SEC61A2: variants seen among roughly 807,000 people sequenced by gnomAD.
SEC61A2 encodes the protein protein transport protein Sec61 subunit alpha isoform 2.
A neutral mutation model predicts 59.9 loss-of-function variants in SEC61A2; 28 were observed. That is an observed-to-expected ratio of 0.47 (90% CI 0.35 to 0.64). The LOEUF (loss-of-function observed/expected upper bound fraction) is 0.64. SEC61A2 is among the 30% of genes least tolerant of loss of function. SEC61A2 has a pLI of 0.01. For missense variants in SEC61A2, 340 were observed against 585.9 expected (o/e 0.58, Z 4.33); for synonymous variants, 202 against 214.4 (o/e 0.94, Z 0.50).
chr10:12,144,578 G>A (rs916532877), intron 4 of SEC61A2, among the ~76,000 whole-genome samples: 8 of 152,200 alleles, frequency 5.3e-5, no homozygotes, highest in Non-Finnish European at 1.0e-4. Context: ...TTGTCATGGA[G>A]TTGATATTTG....
chr10:12,169,408 T>C, downstream of SEC61A2: 1 of 948,518 alleles, frequency 1.1e-6, no homozygotes, highest in Non-Finnish European at 1.6e-6. This position sits in a 1 kb window ranked among gnomAD's most constrained non-coding sequence, Gnocchi z 4.8. Context: ...GGGCTGTTAT[T>C]GTTCCTGTTT....
At chr10:12,134,970 G>A (rs1266369347) in intron 2 of SEC61A2, among the ~76,000 whole-genome samples, 1 of 151,936 alleles carries the variant, frequency 6.6e-6, no homozygotes, top group African/African-American at 2.4e-5. Flanking sequence ...TCAAAAAGGG[G>A]CATTTAAGAG....
intron 6 of SEC61A2, among the ~76,000 whole-genome samples, chr10:12,151,026 C>T (rs942406183): frequency 1.3e-5 from 2 of 151,644 alleles, no homozygotes; most frequent in African/African-American, 2.4e-5. Context: ...TCGCCCGCCT[C>T]GGCCTCCCAA....
At position 12,143,232 on chromosome 10, in the gene SEC61A2, C is replaced by T; in HGVS notation, c.220+37C>T. The T allele has an allele frequency of 7.2e-7, 1 of 1,383,842 alleles. No individual in the cohort carries two copies. The highest frequency in any genetic ancestry group is 1.0e-6 in the Non-Finnish European group (1 of 970,316). The allele number at this position is 1,383,842 out of a possible 1,614,324, so 85.7% of individuals were successfully genotyped here. A position where few individuals can be genotyped will look rare whatever the true frequency, so the allele number is the denominator to read the frequency against. On this transcript the variant is annotated intron_variant, in intron 4 of 11. Transcript: ENST00000298428. This position sits in a 1 kb window ranked among gnomAD's most constrained non-coding sequence, Gnocchi z 4.8. ...TTTTCTGTCTCCACACTCCTACTCA[C>T]AGCAAACAGATGGAAACATGTGGAT...
At chr10:12,151,456 C>T (rs893503454) in intron 6 of SEC61A2, among the ~76,000 whole-genome samples, 3 of 150,130 alleles carry the variant, frequency 2.0e-5, no homozygotes, top group Non-Finnish European at 2.9e-5. Context: ...GGACTACAGG[C>T]GCGCGCCACC....
rs146057484 is a variant in SEC61A2 at position 12,139,580 on chromosome 10, C to T, written c.141+3410C>T. Among the ~76,000 whole-genome samples the T allele has an allele frequency of 3.7e-3, 561 of 151,970 alleles. 4 individuals are homozygous for T. Among genetic ancestry groups the T allele is most frequent in the African/African-American group, 0.012 (518 of 41,474 alleles). On this transcript the variant is annotated intron_variant, in intron 3 of 11. Coordinates refer to ENST00000298428, the MANE Select transcript of SEC61A2 (RefSeq NM_018144.4). Reference sequence around the variant, plus strand: ...CAGGCGGATCACGAGGTCAGGAGATCGAGACCATCCTGGCTAACACAGTGA... The same window carrying T: ...CAGGCGGATCACGAGGTCAGGAGATTGAGACCATCCTGGCTAACACAGTGA...
downstream of SEC61A2, chr10:12,169,414 T>C (rs1388075186): frequency 3.3e-6 from 3 of 920,804 alleles, no homozygotes; most frequent in East Asian, 5.6e-5. The surrounding 1 kb of genome is among the most constrained non-coding windows in gnomAD (Gnocchi z 4.8). Context: ...TTATTGTTCC[T>C]GTTTTATGAA....
Position 12,162,067 on chromosome 10 carries a change from G to T in SEC61A2, c.1168-146G>T. The stretch of plus-strand genomic sequence containing the variant: ...GAGCACTGAAGCTTTGGTTTCCTCA[G>T]GCTTAATGCGAATGATATGACAATG... On this transcript the variant is annotated intron_variant, in intron 10 of 11. Transcript: ENST00000298428. This position sits in a 1 kb window ranked among gnomAD's most constrained non-coding sequence, Gnocchi z 6.1. 1 of 691,814 alleles carries T rather than the reference G, an allele frequency of 1.4e-6. No homozygotes were observed. The highest frequency in any genetic ancestry group is 2.6e-6 in the Non-Finnish European group (1 of 379,836). The allele number at this position is 691,814 out of a possible 1,614,324, so 42.9% of individuals were successfully genotyped here. A position where few individuals can be genotyped will look rare whatever the true frequency, so the allele number is the denominator to read the frequency against.
chr10:12,155,501 A>T lies in SEC61A2; in HGVS notation c.463-277A>T, dbSNP rs1834375852. On this transcript the variant is annotated intron_variant, in intron 6 of 11. Coordinates refer to ENST00000298428, the MANE Select transcript of SEC61A2 (RefSeq NM_018144.4). This position sits in a 1 kb window ranked among gnomAD's most constrained non-coding sequence, Gnocchi z 4.3. ...TGCTTTTCAAACAGGCTTTATTTAAACATTGCAAAAGAAACTATTCAGATA... is the reference window on the plus strand; with the variant it reads ...TGCTTTTCAAACAGGCTTTATTTAATCATTGCAAAAGAAACTATTCAGATA... 3 of 717,352 alleles carry T rather than the reference A, an allele frequency of 4.2e-6. No individual in the cohort carries two copies. In the South Asian group the frequency reaches 6.4e-5, roughly 15 times the overall value. 44.4% of individuals were successfully genotyped at this position (717,352 alleles called of 1,614,324 possible). A position where few individuals can be genotyped will look rare whatever the true frequency, so the allele number is the denominator to read the frequency against.
chr10:12,157,852 C>G, intron 8 of SEC61A2, 56 bp from the exon 9 acceptor site: 1 of 1,514,116 alleles, frequency 6.6e-7, no homozygotes, highest in East Asian at 2.3e-5. Context: ...TCTCTGGTCT[C>G]TGTTCTTTTC....
rs924499099 is a variant in SEC61A2 at position 12,135,977 on chromosome 10, T to C, written c.76-128T>C. 1.0e-5 allele frequency: 7 copies of C among 684,420 alleles called. No individual in the cohort carries two copies. In the African/African-American group the frequency reaches 1.3e-4, roughly 12 times the overall value. 42.4% of individuals were successfully genotyped at this position (684,420 alleles called of 1,614,324 possible). ...CTAATAAACAAAAATGCTTCCTTTA[T>C]AACACATAACGGACATTCCCAATTT... On this transcript the variant is annotated intron_variant, in intron 2 of 11. Coordinates refer to ENST00000298428, the MANE Select transcript of SEC61A2 (RefSeq NM_018144.4).
chr10:12,150,244 A>T (rs1834243083), intron 6 of SEC61A2, among the ~76,000 whole-genome samples: 1 of 152,242 alleles, frequency 6.6e-6, no homozygotes, highest in African/African-American at 2.4e-5. Flanking sequence ...TTGATTCTTA[A>T]GATACACATT....
rs1834609937 is a variant in SEC61A2 at position 12,164,277 on chromosome 10, C to T, written c.1254C>T (p.Pro418=). ...GGGTTCTGTCTCCTAGGTACATCCC[C>T]ACCGCAGCTGCGTTTGGCGGTTTGT... is the stretch of plus-strand genomic sequence containing the variant. ...SMVHELNRYI[P]TAAAFGGLCI... is the part of the protein sequence containing the mutation. The change falls in exon 12 of 12, where the codon CCC becomes CCT. Residue 418 remains proline (P), a synonymous_variant. Transcript: ENST00000298428. The surrounding 1 kb of genome is among the most constrained non-coding windows in gnomAD (Gnocchi z 7.3). The T allele has an allele frequency of 1.9e-6, 3 of 1,612,992 alleles. No homozygotes were observed. The highest frequency in any genetic ancestry group is 2.2e-5 in the East Asian group (1 of 44,882).
At position 12,149,551 on chromosome 10, in the gene SEC61A2, C is replaced by T. The variant is rs374591325; in HGVS notation, c.221-44C>T. The T allele has an allele frequency of 3.9e-5, 60 of 1,544,142 alleles. No homozygotes were observed. The Middle Eastern group carries it at 8.7e-4, about 22-fold the overall frequency. ...GCGACACCTCTAAATCAGTTTGTATCGTGTACAGCAAACATTGCACACTTC... is the reference window on the plus strand; with the variant it reads ...GCGACACCTCTAAATCAGTTTGTATTGTGTACAGCAAACATTGCACACTTC... On this transcript the variant is annotated intron_variant, in intron 4 of 11. Transcript: ENST00000298428. The surrounding 1 kb of genome is among the most constrained non-coding windows in gnomAD (Gnocchi z 5.2).
At chr10:12,141,031 C>G (rs1834008129) in intron 3 of SEC61A2, among the ~76,000 whole-genome samples, 1 of 152,130 alleles carries the variant, frequency 6.6e-6, no homozygotes, top group Non-Finnish European at 1.5e-5. Context: ...TCCTGAGTAG[C>G]TGGGATTACA....
Position 12,129,703 on chromosome 10 carries a change from G to C in SEC61A2, c.-85G>C, listed in dbSNP as rs531245228. The C allele has an allele frequency of 7.5e-7, 1 of 1,326,740 alleles. No individual in the cohort carries two copies. Among genetic ancestry groups the C allele is most frequent in the Non-Finnish European group, 1.0e-6 (1 of 983,528 alleles). The allele number at this position is 1,326,740 out of a possible 1,614,324, so 82.2% of individuals were successfully genotyped here. On this transcript the variant is annotated 5_prime_UTR_variant, in exon 1 of 12. Coordinates refer to ENST00000298428, the MANE Select transcript of SEC61A2 (RefSeq NM_018144.4). The surrounding 1 kb of genome is among the most constrained non-coding windows in gnomAD (Gnocchi z 5.6). ...CGGGGCCGGTAGGATCGCGTCGGGA[G>C]CCGGTACCGAGGCCCGAGCCGCGGG...
Position 12,157,054 on chromosome 10 carries a change from T to C in SEC61A2, c.764T>C (p.Val255Ala), listed in dbSNP as rs1313785844. 1.9e-6 allele frequency: 3 copies of C among 1,613,946 alleles called. No individual in the cohort carries two copies. The highest frequency in any genetic ancestry group is 2.2e-5 in the South Asian group (2 of 91,072). ...GCTACAGTTTTTGTGTTTGCTGTTG[T>C]TATATATTTCCAAGTAAGTATAACC... is the stretch of plus-strand genomic sequence containing the variant. ...LIATVFVFAV[V>A]IYFQGFRVDL... Residue 255 changes from valine to alanine, a missense_variant, in exon 8 of 12, where the codon GTT (valine) becomes GCT (alanine). Val to Ala is a moderately conservative substitution (Grantham distance 64). Around this residue, in one of 3 missense-constraint regions of SEC61A2, gnomAD observed 283 missense variants for 483.2 expected, o/e 0.59. Transcript: ENST00000298428.
At position 12,146,730 on chromosome 10, in the gene SEC61A2, G is replaced by C. The variant is rs575137026; in HGVS notation, c.221-2865G>C. Among the ~76,000 whole-genome samples the C allele has an allele frequency of 2.4e-4, 36 of 151,910 alleles. 1 individual carries two copies. In the South Asian group the frequency reaches 6.7e-3, roughly 28 times the overall value. ...AGGTGGGGTTTCACCATGTTAGCCA[G>C]GATGGTCTTGATCTCCTGACCTTGT... is the stretch of plus-strand genomic sequence containing the variant. On this transcript the variant is annotated intron_variant, in intron 4 of 11. Transcript: ENST00000298428.
At position 12,153,358 on chromosome 10, in the gene SEC61A2, G is replaced by A. The variant is rs1195990582; in HGVS notation, c.463-2420G>A. On this transcript the variant is annotated intron_variant, in intron 6 of 11. Transcript: ENST00000298428. This position sits in a 1 kb window ranked among gnomAD's most constrained non-coding sequence, Gnocchi z 5.2. ...TGATTTTTAGAAGACACTTAGAACT[G>A]GCATGTAGCTCGTAGAACATTATAC... 1.3e-5 allele frequency among the ~76,000 whole-genome samples: 2 copies of A among 152,102 alleles called. No individual in the cohort carries two copies. Among genetic ancestry groups the A allele is most frequent in the South Asian group, 2.1e-4 (1 of 4,820 alleles).
Sources: allele counts gnomAD v4.1 joint callset (sites outside exome capture counted in the v4.1 genomes callset), GRCh38; gene constraint gnomAD v4.1.1; regional missense constraint gnomAD v4.1.1; non-coding constraint Gnocchi (gnomAD v3.1); transcripts MANE v1.5; gene names NCBI Gene and HGNC (gene_info 2026-07-23, HGNC 2026-07-21).